The following ST6GALNAC5 variants were observed in gnomAD, a reference collection of about 807,000 sequenced individuals.
ST6GALNAC5 encodes the protein alpha-N-acetylgalactosaminide alpha-2,6-sialyltransferase 5.
A neutral mutation model predicts 33.6 loss-of-function variants in ST6GALNAC5; 27 were observed. The observed-to-expected ratio is 0.80, with a 90% CI of 0.59 to 1.11. The LOEUF is 1.11. ST6GALNAC5 is among the 50% of genes least tolerant of loss of function. ST6GALNAC5 has a pLI of 0.00. For synonymous variants in ST6GALNAC5, 194 were observed against 171.2 expected (o/e 1.13, Z -1.04); for missense variants, 428 against 454.0 (o/e 0.94, Z 0.52).
At chr1:76,969,664 A>T (rs962164207) in intron 2 of ST6GALNAC5, among the ~76,000 whole-genome samples, 9 of 152,324 alleles carry the variant, frequency 5.9e-5, no homozygotes, top group Non-Finnish European at 1.0e-4. Flanking sequence ...ACAGCCCTAA[A>T]GAGAGCAGTG....
Position 77,030,913 on chromosome 1 carries a change from T to C in ST6GALNAC5, c.262-13291T>C, listed in dbSNP as rs150647702. ...TCTGCTTCTTGTATTTTACAATTCC[T>C]TGCCAAATCTGGGCAGAGTCAGCGG... On this transcript the variant is annotated intron_variant, in intron 2 of 4. Coordinates refer to ENST00000477717, the MANE Select transcript of ST6GALNAC5 (RefSeq NM_030965.3). Among the ~76,000 whole-genome samples, 660 of 152,374 alleles carry C rather than the reference T, an allele frequency of 4.3e-3. 4 individuals carry two copies. Among genetic ancestry groups the C allele is most frequent in the African/African-American group, 0.015 (612 of 41,608 alleles).
intron 2 of ST6GALNAC5, among the ~76,000 whole-genome samples, chr1:76,907,121 C>A (rs901369802): frequency 3.9e-5 from 6 of 152,134 alleles, no homozygotes; most frequent in African/African-American, 1.2e-4. Context: ...TGCTAACAAG[C>A]CTTCTTGTAG....
At chr1:76,930,568 T>C (rs1481463734) in intron 2 of ST6GALNAC5, among the ~76,000 whole-genome samples, 1 of 152,168 alleles carries the variant, frequency 6.6e-6, no homozygotes, top group African/African-American at 2.4e-5. Context: ...AATATATTAA[T>C]TTCATTACTC....
chr1:76,911,739 T>C (rs1273674729), intron 2 of ST6GALNAC5, among the ~76,000 whole-genome samples: 1 of 152,204 alleles, frequency 6.6e-6, no homozygotes, highest in East Asian at 1.9e-4. Context: ...ATAGAGGTGT[T>C]TGTAGTATTC....
intron 2 of ST6GALNAC5, among the ~76,000 whole-genome samples, chr1:76,951,813 T>C (rs1647760598): frequency 6.6e-6 from 1 of 152,144 alleles, no homozygotes; most frequent in Non-Finnish European, 1.5e-5. Context: ...TTTTTATTGA[T>C]TTTTGCCAAA....
chr1:76,894,123 G>C (rs992568761), intron 2 of ST6GALNAC5, among the ~76,000 whole-genome samples: 33 of 152,180 alleles, frequency 2.2e-4, no homozygotes, highest in African/African-American at 8.0e-4. Flanking sequence ...AGCCTCTGCA[G>C]AAGAAACTAT....
At chr1:77,029,577 T>G (rs1490265269) in intron 2 of ST6GALNAC5, among the ~76,000 whole-genome samples, 3 of 152,222 alleles carry the variant, frequency 2.0e-5, no homozygotes, top group Non-Finnish European at 4.4e-5. Context: ...GCATGGGGAC[T>G]AGAAACGAAG....
chr1:76,871,172 A>G (rs1321210545), intron 2 of ST6GALNAC5: 2 of 152,344 alleles, frequency 1.3e-5, no homozygotes, highest in African/African-American at 2.4e-5. Context: ...TTTTTTTCCA[A>G]TTATGACAGG....
At chr1:76,987,028 G>C (rs1053402783) in intron 2 of ST6GALNAC5, among the ~76,000 whole-genome samples, 2 of 152,118 alleles carry the variant, frequency 1.3e-5, no homozygotes, top group African/African-American at 4.8e-5. Flanking sequence ...TGGAGTGGGG[G>C]ACTGGGGGAG....
intron 2 of ST6GALNAC5, among the ~76,000 whole-genome samples, chr1:76,933,823 A>G (rs1381088860): frequency 6.6e-6 from 1 of 151,050 alleles, no homozygotes; most frequent in African/African-American, 2.4e-5. Context: ...CAGGAGCCTC[A>G]TAGATGAGGA....
chr1:76,994,905 C>T (rs1280831175), intron 2 of ST6GALNAC5, among the ~76,000 whole-genome samples: 3 of 152,106 alleles, frequency 2.0e-5, no homozygotes, highest in Admixed American at 2.0e-4. Flanking sequence ...TCTTGTCTAT[C>T]CGGGCTCAAA....
chr1:76,936,749 AT>A (rs1192389305), intron 2 of ST6GALNAC5, among the ~76,000 whole-genome samples: 4 of 152,082 alleles, frequency 2.6e-5, no homozygotes, highest in Non-Finnish European at 5.9e-5. Context: ...TTGAAATTGC[AT>A]TAATTGTTGA....
chr1:76,990,935 G>A (rs947792021), intron 2 of ST6GALNAC5, among the ~76,000 whole-genome samples: 2 of 152,158 alleles, frequency 1.3e-5, no homozygotes, highest in African/African-American at 4.8e-5. Flanking sequence ...AAACACCCAA[G>A]AGTATTGCAT....
chr1:76,898,334 A>G (rs1183898491), intron 2 of ST6GALNAC5, among the ~76,000 whole-genome samples: 3 of 152,202 alleles, frequency 2.0e-5, no homozygotes, highest in Non-Finnish European at 4.4e-5. Flanking sequence ...GGTTTGTCTC[A>G]CAGTGGAGGC....
chr1:76,920,243 C>A (rs551161179), intron 2 of ST6GALNAC5, among the ~76,000 whole-genome samples: 36 of 152,040 alleles, frequency 2.4e-4, no homozygotes, highest in Non-Finnish European at 5.0e-4. Flanking sequence ...TTTTTAATCT[C>A]GCCTTCTACA....
chr1:77,002,067 A>G (rs1557755869), intron 2 of ST6GALNAC5, among the ~76,000 whole-genome samples: 2 of 151,972 alleles, frequency 1.3e-5, no homozygotes, highest in African/African-American at 4.8e-5. Flanking sequence ...AAGGAATGGT[A>G]CCAGTTCCTC....
chr1:76,971,120 T>C (rs1473133921), intron 2 of ST6GALNAC5, among the ~76,000 whole-genome samples: 1 of 152,164 alleles, frequency 6.6e-6, no homozygotes, highest in East Asian at 1.9e-4. Context: ...TTATTGAAAG[T>C]TACTTTTTGT....
chr1:76,937,106 G>A (rs749258345), intron 2 of ST6GALNAC5, among the ~76,000 whole-genome samples: 1 of 151,888 alleles, frequency 6.6e-6, no homozygotes, highest in African/African-American at 2.4e-5. Flanking sequence ...AGTGGTATGG[G>A]TGATAGAATA....
intron 2 of ST6GALNAC5, among the ~76,000 whole-genome samples, chr1:76,993,921 A>G (rs978708179): frequency 6.6e-6 from 1 of 152,202 alleles, no homozygotes; most frequent in Admixed American, 6.5e-5. Context: ...AAAGGAAAAA[A>G]AGAAAAAAAA....
Sources: gnomAD v4.1 joint callset for allele counts (sites outside exome capture counted in the v4.1 genomes callset) on GRCh38, gnomAD v4.1.1 for gene constraint, MANE v1.5 for transcripts, NCBI Gene and HGNC (gene_info 2026-07-23, HGNC 2026-07-21) for gene names.